The following POLN variants were observed in gnomAD, a reference collection of about 807,000 sequenced individuals.
The protein encoded by POLN is DNA polymerase N.
Under a neutral mutation model 113.5 loss-of-function variants are expected in POLN, and 108 were observed. That is an observed-to-expected ratio of 0.95 (90% CI 0.81 to 1.12). POLN has a LOEUF of 1.12. Among genes scored for constraint, POLN ranks in the 50% most tolerant of loss-of-function variants. The pLI is 0.00. For synonymous variants in POLN, 386 were observed against 391.5 expected, an observed-to-expected ratio of 0.99 and a Z score of 0.17; for missense variants, 1,097 against 1,077.1, an observed-to-expected ratio of 1.02 and a Z score of -0.26.
chr4:2,086,433 T>G (rs1730552622), intron 20 of POLN, among the ~76,000 whole-genome samples: 1 of 152,208 alleles, frequency 6.6e-6, no homozygotes, highest in South Asian at 2.1e-4. Flanking sequence ...GGAGGTTCTG[T>G]GTGGCCCTGG....
chr4:2,222,609 C>T (rs1734286133), intron 3 of POLN, among the ~76,000 whole-genome samples: 1 of 151,996 alleles, frequency 6.6e-6, no homozygotes, highest in Non-Finnish European at 1.5e-5. Flanking sequence ...AGTCTTGGGT[C>T]TACGGCTACA....
At chr4:2,073,696 C>T (rs1730207543) in intron 24 of POLN, among the ~76,000 whole-genome samples, 1 of 152,242 alleles carries the variant, frequency 6.6e-6, no homozygotes, top group African/African-American at 2.4e-5. Context: ...CCTGGATAAA[C>T]ATTCGTTCAG....
At chr4:2,143,817 T>A (rs1732065167) in intron 16 of POLN, among the ~76,000 whole-genome samples, 2 of 152,136 alleles carry the variant, frequency 1.3e-5, no homozygotes, top group South Asian at 4.1e-4. Flanking sequence ...TAAAAATATA[T>A]GATCCAACAG....
At chr4:2,130,264 G>A (rs1345234543) in intron 17 of POLN, among the ~76,000 whole-genome samples, 1 of 144,826 alleles carries the variant, frequency 6.9e-6, no homozygotes. Flanking sequence ...AAACAGAAGA[G>A]GAGAGGAGAG....
intron 2 of POLN, among the ~76,000 whole-genome samples, chr4:2,235,099 T>C (rs1336431563): frequency 1.3e-5 from 2 of 152,218 alleles, no homozygotes; most frequent in Admixed American, 1.3e-4. Flanking sequence ...TTGGCCAGGC[T>C]GGTCTTGAAC....
chr4:2,225,690 T>A (rs1167141625), intron 3 of POLN, among the ~76,000 whole-genome samples: 2 of 149,604 alleles, frequency 1.3e-5, no homozygotes, highest in East Asian at 1.9e-4. Flanking sequence ...GTGGAAAAAA[T>A]TTATAATACT....
intron 19 of POLN, among the ~76,000 whole-genome samples, chr4:2,101,968 G>A (rs1157095373): frequency 6.6e-6 from 1 of 152,188 alleles, no homozygotes; most frequent in Non-Finnish European, 1.5e-5. Context: ...AGCTGTGACA[G>A]CTGGGATGGG....
chr4:2,092,836 A>G (rs1016367762), intron 20 of POLN, among the ~76,000 whole-genome samples: 2 of 152,258 alleles, frequency 1.3e-5, no homozygotes, highest in Non-Finnish European at 2.9e-5. Flanking sequence ...GAGGCCTGGC[A>G]AGTTGACTGG....
intron 19 of POLN, among the ~76,000 whole-genome samples, chr4:2,121,391 C>T (rs527945590): frequency 3.8e-4 from 57 of 149,762 alleles, no homozygotes; most frequent in Non-Finnish European, 6.5e-4. Context: ...GCCAAGATTG[C>T]GCCACTACAC....
intron 3 of POLN, among the ~76,000 whole-genome samples, chr4:2,214,551 C>G (rs373026086): frequency 3.3e-5 from 5 of 152,058 alleles, no homozygotes; most frequent in African/African-American, 1.2e-4. Context: ...AGGCAATACA[C>G]AAAACAGAAA....
chr4:2,097,051 T>C (rs1730813523), intron 19 of POLN, among the ~76,000 whole-genome samples: 1 of 152,250 alleles, frequency 6.6e-6, no homozygotes, highest in Non-Finnish European at 1.5e-5. Flanking sequence ...TGCTTCATTG[T>C]TTGCCTCAAC....
intron 19 of POLN, among the ~76,000 whole-genome samples, chr4:2,113,596 G>A (rs1013299686): frequency 2.0e-5 from 3 of 151,032 alleles, no homozygotes; most frequent in Admixed American, 6.6e-5. Context: ...GGTGGCTCAT[G>A]CCTGTAATCC....
At chr4:2,125,346 G>A (rs1035887517) in intron 19 of POLN, among the ~76,000 whole-genome samples, 1 of 152,178 alleles carries the variant, frequency 6.6e-6, no homozygotes, top group East Asian at 1.9e-4. Flanking sequence ...GAGGTGGGGT[G>A]GAAGGGAGTT....
intron 6 of POLN, among the ~76,000 whole-genome samples, chr4:2,195,784 AG>A (rs977833178): frequency 5.9e-5 from 9 of 152,204 alleles, no homozygotes; most frequent in Admixed American, 1.3e-4. Flanking sequence ...AAAGACATGA[AG>A]GATAAGGTAA....
At chr4:2,181,490 A>G (rs1042925952) in intron 7 of POLN, among the ~76,000 whole-genome samples, 29 of 146,230 alleles carry the variant, frequency 2.0e-4, no homozygotes, top group African/African-American at 7.6e-4. Flanking sequence ...ATCAAGTCCA[A>G]CAGAACTTAA....
At chr4:2,102,322 CT>C (rs1484600515) in intron 19 of POLN, among the ~76,000 whole-genome samples, 1 of 152,160 alleles carries the variant, frequency 6.6e-6, no homozygotes, top group Non-Finnish European at 1.5e-5. Flanking sequence ...CACTCAAGCA[CT>C]TTTCCAGGGG....
In POLN at chr4:2,241,594, G is replaced by A; in HGVS notation, c.-87C>T. The stretch of plus-strand genomic sequence containing the variant: ...CGCGGAGAACAGCAGGAGCAGCAGG[G>A]AAGCGCGCGGCCACAATTAAGGGTG... On this transcript the variant is annotated 5_prime_UTR_variant, in exon 2 of 26. Coordinates refer to ENST00000511885, the MANE Select transcript of POLN (RefSeq NM_181808.4). 1 of 985,688 alleles carries A rather than the reference G, an allele frequency of 1.0e-6. No homozygotes were observed. Among genetic ancestry groups the A allele is most frequent in the Non-Finnish European group, 1.2e-6 (1 of 830,124 alleles). The allele number at this position is 985,688 out of a possible 1,614,324, so 61.1% of individuals were successfully genotyped here.
At chr4:2,094,604 CAG>C (rs1169423258) in intron 20 of POLN, among the ~76,000 whole-genome samples, 3 of 152,238 alleles carry the variant, frequency 2.0e-5, no homozygotes, top group African/African-American at 7.2e-5. Flanking sequence ...GAAGGTTGCA[CAG>C]GGGAGAGTTG....
chr4:2,195,982 C>T (rs1025021737), intron 6 of POLN, among the ~76,000 whole-genome samples: 10 of 152,032 alleles, frequency 6.6e-5, no homozygotes, highest in Non-Finnish European at 1.0e-4. Context: ...AGGAAGGGAT[C>T]GTGTTGACAC....
Sources: allele counts gnomAD v4.1 joint callset (sites outside exome capture counted in the v4.1 genomes callset), GRCh38; gene constraint gnomAD v4.1.1; transcripts MANE v1.5; gene names NCBI Gene and HGNC (gene_info 2026-07-23, HGNC 2026-07-21).